The following NTM variants were observed in gnomAD, a reference collection of about 807,000 sequenced individuals.
NTM encodes neurotrimin.
A neutral mutation model predicts 42.1 loss-of-function variants in NTM; 13 were observed. The ratio of observed to expected loss-of-function variants is 0.31; its 90% CI spans 0.20 to 0.49. The LOEUF is 0.49. Among genes scored for constraint, NTM ranks in the 20% least tolerant of loss-of-function variants. The probability of loss-of-function intolerance (pLI) is 0.99; values close to 1 mark genes in which losing one functional copy is unlikely to be tolerated. For missense variants in NTM, 373 were observed against 452.8 expected (o/e 0.82, Z 1.60); for synonymous variants, 187 against 179.2 (o/e 1.04, Z -0.35).
At chr11:131,941,013 G>A (rs2059734293) in intron 2 of NTM, among the ~76,000 whole-genome samples, 1 of 152,212 alleles carries the variant, frequency 6.6e-6, no homozygotes, top group Admixed American at 6.5e-5. Flanking sequence ...GGAAGAGCAG[G>A]TCCCCATGGC....
At chr11:132,116,803 C>T (rs573588232) in intron 2 of NTM, among the ~76,000 whole-genome samples, 3 of 152,316 alleles carry the variant, frequency 2.0e-5, no homozygotes, top group African/African-American at 7.2e-5. Flanking sequence ...ACAGATGGCT[C>T]AGCCCCTTTC....
intron 2 of NTM, among the ~76,000 whole-genome samples, chr11:132,062,852 A>G (rs1040264129): frequency 1.3e-5 from 2 of 152,194 alleles, no homozygotes; most frequent in Middle Eastern, 3.2e-3. Context: ...TAAATTATAC[A>G]AAGAAATGGA....
At chr11:131,689,314 C>T (rs1458296106) in intron 1 of NTM, among the ~76,000 whole-genome samples, 4 of 152,162 alleles carry the variant, frequency 2.6e-5, no homozygotes, top group African/African-American at 7.2e-5. Context: ...CCAGTATTGC[C>T]CAGCCCCTCA....
At chr11:132,111,107 A>C (rs1304661673) in intron 2 of NTM, among the ~76,000 whole-genome samples, 1 of 136,866 alleles carries the variant, frequency 7.3e-6, no homozygotes, top group Non-Finnish European at 1.6e-5. Context: ...AAAAAAAAAA[A>C]AAAGAGACAG....
intron 7 of NTM, among the ~76,000 whole-genome samples, chr11:132,320,906 G>A (rs1321605931): frequency 1.3e-5 from 2 of 151,536 alleles, no homozygotes; most frequent in Admixed American, 6.6e-5. Flanking sequence ...GCACCCCCCA[G>A]CAGGGCCACA....
chr11:132,120,368 A>G (rs998785134), intron 2 of NTM, among the ~76,000 whole-genome samples: 9 of 152,174 alleles, frequency 5.9e-5, no homozygotes, highest in African/African-American at 2.2e-4. Flanking sequence ...GAAAAGAATG[A>G]GAGTGAGGGG....
chr11:131,389,780 C>A (rs1198010303), intron 1 of NTM, among the ~76,000 whole-genome samples: 1 of 152,198 alleles, frequency 6.6e-6, no homozygotes, highest in Non-Finnish European at 1.5e-5. Context: ...AGGAACTCCC[C>A]TGGGATTCAG....
chr11:132,042,210 G>A (rs1172366422), intron 2 of NTM, among the ~76,000 whole-genome samples: 1 of 152,168 alleles, frequency 6.6e-6, no homozygotes, highest in East Asian at 1.9e-4. Context: ...TCTAGAGGAG[G>A]TGTTTTGCTT....
At chr11:131,619,892 C>T (rs2062348795) in intron 1 of NTM, among the ~76,000 whole-genome samples, 1 of 151,842 alleles carries the variant, frequency 6.6e-6, no homozygotes, top group South Asian at 2.1e-4. Flanking sequence ...GCAACCTCTG[C>T]CTCGTGGGTT....
intron 4 of NTM, among the ~76,000 whole-genome samples, chr11:132,263,392 ACCTT>A (rs1439630301): frequency 1.3e-5 from 2 of 152,176 alleles, no homozygotes; most frequent in East Asian, 3.9e-4. Context: ...AAATCAGACA[ACCTT>A]CCTTCCTTCT....
intron 1 of NTM, among the ~76,000 whole-genome samples, chr11:131,739,482 G>A (rs1347044040): frequency 6.6e-6 from 1 of 152,164 alleles, no homozygotes; most frequent in African/African-American, 2.4e-5. Context: ...AGAAAGGTTT[G>A]TGTCTCTTAG....
intron 1 of NTM, among the ~76,000 whole-genome samples, chr11:131,864,890 T>C (rs4937665): frequency 0.1 from 15,956 of 152,268 alleles, 978 homozygotes; most frequent in Middle Eastern, 0.14. Flanking sequence ...AGTTCTGCCC[T>C]GTAATGTTTC....
chr11:132,205,890 T>C (rs747072085), intron 3 of NTM, among the ~76,000 whole-genome samples: 6 of 152,172 alleles, frequency 3.9e-5, no homozygotes, highest in Non-Finnish European at 8.8e-5. Flanking sequence ...AAGTCTAAGA[T>C]AGAATTAATC....
intron 1 of NTM, among the ~76,000 whole-genome samples, chr11:131,887,502 T>C (rs2050597993): frequency 6.6e-6 from 1 of 152,192 alleles, no homozygotes; most frequent in African/African-American, 2.4e-5. Context: ...GCCTTAAACC[T>C]CAGCTTCTTT....
At chr11:131,616,412 A>C (rs1039035026) in intron 1 of NTM, among the ~76,000 whole-genome samples, 1 of 152,234 alleles carries the variant, frequency 6.6e-6, no homozygotes, top group Non-Finnish European at 1.5e-5. Context: ...CCAGGCCTCC[A>C]CAAAGCAGAG....
chr11:132,289,984 G>A (rs2094399393), intron 4 of NTM, among the ~76,000 whole-genome samples: 1 of 152,136 alleles, frequency 6.6e-6, no homozygotes. Flanking sequence ...TTAGGATTCT[G>A]GCTGTTCTAA....
rs867130070 is a variant in NTM at position 131,598,879 on chromosome 11, C to T, written c.82+227991C>T. Among the ~76,000 whole-genome samples, 74 of 27,514 alleles carry T rather than the reference C, an allele frequency of 2.7e-3. 3 individuals are homozygous for T. The highest frequency in any genetic ancestry group is 6.7e-3 in the African/African-American group (55 of 8,162). 18.1% of individuals were successfully genotyped at this position (27,514 alleles called of 152,430 possible). ...TTCCTTCCTTCCTTCCTTCCTTCTT[C>T]CTTCCTTCCTTCCTTCCTTCCTTCC... On this transcript the variant is annotated intron_variant, in intron 1 of 8. Transcript: ENST00000683400.
intron 2 of NTM, among the ~76,000 whole-genome samples, chr11:132,050,093 G>A (rs1367115661): frequency 6.6e-6 from 1 of 152,164 alleles, no homozygotes; most frequent in Non-Finnish European, 1.5e-5. Flanking sequence ...GAGGCCACTG[G>A]CAGCATGACA....
intron 1 of NTM, among the ~76,000 whole-genome samples, chr11:131,624,806 C>T (rs1226757265): frequency 6.6e-6 from 1 of 152,190 alleles, no homozygotes; most frequent in African/African-American, 2.4e-5. Flanking sequence ...GCCATTCATT[C>T]ATTCTTTCCT....
Sources: gnomAD v4.1 joint callset for allele counts (sites outside exome capture counted in the v4.1 genomes callset) on GRCh38, gnomAD v4.1.1 for gene constraint, MANE v1.5 for transcripts, NCBI Gene and HGNC (gene_info 2026-07-23, HGNC 2026-07-21) for gene names.